The following ZNF469 variants were observed in gnomAD, a reference collection of about 807,000 sequenced individuals.
ZNF469 encodes the protein zinc finger protein 469.
In ZNF469, 1 loss-of-function variant was observed where a neutral mutation model predicts 1.0. That is an observed-to-expected ratio of 1.00 (90% CI 0.35 to 4.73). The LOEUF is 4.73. ZNF469 is among the 30% of genes most tolerant of loss of function. The pLI is 0.16. For synonymous variants in ZNF469, 2,703 were observed against 2,363.4 expected, an observed-to-expected ratio of 1.14 and a Z score of -4.17; for missense variants, 6,100 against 5,356.3, an observed-to-expected ratio of 1.14 and a Z score of -4.33.
At position 88,439,462 on chromosome 16, in the gene ZNF469, G is replaced by C. The variant is rs983965354; in HGVS notation, c.*130G>C. ...CTTCTTGTGCAACTGCTCAGGCCTT[G>C]ATGTCAGAGCTGAGGTGGTGATGCT... On this transcript the variant is annotated 3_prime_UTR_variant, in exon 3 of 3. Transcript: ENST00000565624. 3 of 1,021,790 alleles carry C rather than the reference G, an allele frequency of 2.9e-6. No homozygotes were observed. Among genetic ancestry groups the C allele is most frequent in the African/African-American group, 1.6e-5 (1 of 62,714 alleles). The allele number at this position is 1,021,790 out of a possible 1,614,324, so 63.3% of individuals were successfully genotyped here.
the ZNF469 span, among the ~76,000 whole-genome samples, chr16:88,222,271 T>C: frequency 6.6e-6 from 1 of 152,120 alleles, no homozygotes; most frequent in Admixed American, 6.6e-5. Context: ...TGGATCAAAG[T>C]TGTTTCTTTG....
At chr16:88,316,343 G>A in the ZNF469 span, among the ~76,000 whole-genome samples, 3 of 152,140 alleles carry the variant, frequency 2.0e-5, no homozygotes, top group Admixed American at 6.5e-5. Flanking sequence ...CACCACGCTC[G>A]TGGGGCCAGA....
At chr16:88,311,134 G>C in the ZNF469 span, among the ~76,000 whole-genome samples, 2 of 152,210 alleles carry the variant, frequency 1.3e-5, no homozygotes, top group Non-Finnish European at 2.9e-5. Context: ...GGATTGTCTA[G>C]TGTTTTTCTC....
Position 88,428,694 on chromosome 16 carries a change from G to C in ZNF469, c.1224G>C (p.Gly408=). The C allele has an allele frequency of 6.5e-7, 1 of 1,549,362 alleles. No homozygotes were observed. Among genetic ancestry groups the C allele is most frequent in the Non-Finnish European group, 8.7e-7 (1 of 1,146,800 alleles). Residue 408 remains glycine, a synonymous_variant, in exon 3 of 3, where the codon GGG becomes GGC. Coordinates refer to ENST00000565624, the MANE Select transcript of ZNF469 (RefSeq NM_001367624.2). ...CCCTACCCCAGAGGCACTTTCCAGG[G>C]CAGGCGTACAGAGCCAGTGGGGTGG... ...PSSLPQRHFP[G]QAYRASGVDT...
At chr16:88,286,814 C>T in the ZNF469 span, among the ~76,000 whole-genome samples, 28 of 152,200 alleles carry the variant, frequency 1.8e-4, no homozygotes, top group African/African-American at 6.8e-4. Flanking sequence ...CCCTCTCTGC[C>T]TCTGTGTCTT....
At chr16:88,321,347 T>C in the ZNF469 span, among the ~76,000 whole-genome samples, 1 of 152,394 alleles carries the variant, frequency 6.6e-6, no homozygotes, top group East Asian at 1.9e-4. Context: ...AGGCCTTGCC[T>C]GATTGGATGC....
the ZNF469 span, among the ~76,000 whole-genome samples, chr16:88,264,988 C>T: frequency 6.3e-3 from 963 of 152,140 alleles, 4 homozygotes; most frequent in Non-Finnish European, 0.011. Context: ...GCAAGGGAGA[C>T]GCCCATTTTC....
At chr16:88,147,225 T>C in the ZNF469 span, among the ~76,000 whole-genome samples, 1 of 152,060 alleles carries the variant, frequency 6.6e-6, no homozygotes, top group East Asian at 1.9e-4. Flanking sequence ...AGCCAAGGGA[T>C]GTAGGGGCCT....
Position 88,429,361 on chromosome 16 carries a change from C to T in ZNF469, c.1891C>T (p.Pro631Ser). ...EESQLPGPLG[P>S]SAFFHPPTHP... is the part of the protein sequence containing the mutation. ...AAGCCAGCTCCCCGGCCCCCTCGGGCCCTCGGCCTTCTTCCACCCACCCAC... is the reference window on the plus strand; with the variant it reads ...AAGCCAGCTCCCCGGCCCCCTCGGGTCCTCGGCCTTCTTCCACCCACCCAC... The change falls in exon 3 of 3, where the codon CCC becomes TCC. Residue 631 changes from proline to serine, a missense_variant. Pro to Ser is a moderately conservative substitution (Grantham distance 74). Transcript: ENST00000565624. 6.5e-7 allele frequency: 1 copy of T among 1,549,840 alleles called. No individual in the cohort carries two copies. Among genetic ancestry groups the T allele is most frequent in the South Asian group, 1.2e-5 (1 of 84,044 alleles).
upstream of ZNF469, among the ~76,000 whole-genome samples, chr16:88,380,226 C>A (rs2092517467): frequency 6.6e-6 from 1 of 151,732 alleles, no homozygotes; most frequent in Admixed American, 6.6e-5. Context: ...AATGCACTCA[C>A]AGACATGCAC....
the ZNF469 span, among the ~76,000 whole-genome samples, chr16:88,321,088 G>C: frequency 6.6e-6 from 1 of 152,368 alleles, no homozygotes; most frequent in South Asian, 2.1e-4. Context: ...GTCCCAGGTT[G>C]ACCAGGCTGC....
chr16:88,280,025 G>A, the ZNF469 span, among the ~76,000 whole-genome samples: 2 of 151,720 alleles, frequency 1.3e-5, no homozygotes, highest in Admixed American at 1.3e-4. Flanking sequence ...CTGACACTCA[G>A]TCAGTACCGT....
the ZNF469 span, among the ~76,000 whole-genome samples, chr16:88,226,939 A>G: frequency 6.6e-6 from 1 of 152,072 alleles, no homozygotes; most frequent in African/African-American, 2.4e-5. Flanking sequence ...AGGATTCCCA[A>G]AAAATGCCCT....
chr16:88,430,155 C>G lies in ZNF469; in HGVS notation c.2685C>G (p.Ser895Arg). The G allele has an allele frequency of 6.5e-7, 1 of 1,549,852 alleles. No individual in the cohort carries two copies. Residue 895 changes from serine (S) to arginine (R), a missense_variant, in exon 3 of 3, where the codon AGC (serine) becomes AGG (arginine). Coordinates refer to ENST00000565624, the MANE Select transcript of ZNF469 (RefSeq NM_001367624.2). ...LKSKAGVTPE[S>R]KAPPPLPAAT... The stretch of plus-strand genomic sequence containing the variant: ...GCAAGGCGGGGGTGACTCCAGAGAG[C>G]AAAGCTCCGCCCCCGCTCCCAGCAG...
chr16:88,158,654 A>G, the ZNF469 span, among the ~76,000 whole-genome samples: 2 of 152,098 alleles, frequency 1.3e-5, no homozygotes. Context: ...AACGGAGGGG[A>G]AGAGATGGGA....
At chr16:88,381,044 T>TCA (rs1382090859), upstream of ZNF469, among the ~76,000 whole-genome samples, 2 of 87,284 alleles carry the variant, frequency 2.3e-5, no homozygotes, top group Non-Finnish European at 2.4e-5. Context: ...ACACATGCAC[T>TCA]CACACAGACA....
the ZNF469 span, among the ~76,000 whole-genome samples, chr16:88,170,857 C>A: frequency 6.6e-6 from 1 of 152,098 alleles, no homozygotes. The surrounding 1 kb of genome is among the most constrained non-coding windows in gnomAD (Gnocchi z 4.2). Flanking sequence ...TCCCCGGAAG[C>A]TAACTGACTT....
intron 1 of ZNF469, among the ~76,000 whole-genome samples, chr16:88,420,286 G>T (rs1324802281): frequency 6.6e-6 from 1 of 152,232 alleles, no homozygotes; most frequent in African/African-American, 2.4e-5. Flanking sequence ...ACAACCAGGA[G>T]AATGAAGCCT....
At chr16:88,362,808 A>G in the ZNF469 span, among the ~76,000 whole-genome samples, 5 of 152,304 alleles carry the variant, frequency 3.3e-5, no homozygotes, top group South Asian at 8.3e-4. Flanking sequence ...TTTTTGACCC[A>G]TTGTCACCCT....
Sources: allele counts gnomAD v4.1 joint callset (sites outside exome capture counted in the v4.1 genomes callset), GRCh38; gene constraint gnomAD v4.1.1; non-coding constraint Gnocchi (gnomAD v3.1); transcripts MANE v1.5; gene names NCBI Gene and HGNC (gene_info 2026-07-23, HGNC 2026-07-21).